Variants in C11orf24 observed in about 807,000 individuals in gnomAD.
C11orf24 encodes chromosome 11 open reading frame 24, also known as uncharacterized protein C11orf24.
A neutral mutation model predicts 7.3 loss-of-function variants in C11orf24; 5 were observed. The ratio of observed to expected loss-of-function variants is 0.69; its 90% CI spans 0.36 to 1.45. The LOEUF is 1.45. Ranked by LOEUF, C11orf24 falls within the 40% of genes most tolerant of loss-of-function variation. The probability of loss-of-function intolerance (pLI) is 0.03; values close to 1 mark genes in which losing one functional copy is unlikely to be tolerated. For synonymous variants in C11orf24, 233 were observed against 235.7 expected, an observed-to-expected ratio of 0.99 and a Z score of 0.11; for missense variants, 566 against 590.5, an observed-to-expected ratio of 0.96 and a Z score of 0.43.
chr11:68,263,518 C>G, intron 3 of C11orf24, 174 bp downstream of exon 3: 1 of 602,520 alleles, frequency 1.7e-6, no homozygotes, highest in South Asian at 2.0e-5. Flanking sequence ...GGCTCTTTGC[C>G]CACCATGGCC....
intron 3 of C11orf24, chr11:68,263,163 C>G (rs892814193): frequency 5.2e-5 from 29 of 558,086 alleles, no homozygotes; most frequent in African/African-American, 5.1e-4. Context: ...ACCCCCTGCC[C>G]ATTGAAGGCT....
Position 68,261,894 on chromosome 11 carries a change from G to GC in C11orf24, c.1100dup (p.Thr368HisfsTer2). 1 of 1,614,002 alleles carries GC rather than the reference G, an allele frequency of 6.2e-7. No homozygotes were observed. The highest frequency in any genetic ancestry group is 8.5e-7 in the Non-Finnish European group (1 of 1,180,040). ...ACGAGTCCGTGGCTGGCATCTTAGT[G>GC]CCCCCTGAGCTCCTGGGTGTTGGCC... On this transcript the variant is annotated frameshift_variant, in exon 4 of 4. Transcript: ENST00000304271. LOFTEE classifies it low-confidence loss of function (END_TRUNC).
Position 68,261,812 on chromosome 11 carries a change from C to A in C11orf24, c.1183G>T (p.Ala395Ser), listed in dbSNP as rs759346888. 4 of 1,614,220 alleles carry A rather than the reference C, an allele frequency of 2.5e-6. No individual in the cohort carries two copies. Among genetic ancestry groups the A allele is most frequent in the Non-Finnish European group, 3.4e-6 (4 of 1,180,054 alleles). ...MVVTTEPLTQ[A>S]VVDKTLLLVV... ...AGAAGGAGAGTTTTGTCTACCACGG[C>A]CTGGGTGAGGGGCTCAGTGGTGACC... Residue 395 changes from alanine (A) to serine (S), a missense_variant, in exon 4 of 4, where the codon GCC (alanine) becomes TCC (serine). Physicochemically the swap from Ala to Ser is moderately conservative, Grantham distance 99. Coordinates refer to ENST00000304271, the MANE Select transcript of C11orf24 (RefSeq NM_022338.4).
intron 2 of C11orf24, among the ~76,000 whole-genome samples, chr11:68,265,424 A>G (rs2098564610): frequency 6.6e-6 from 1 of 152,236 alleles, no homozygotes; most frequent in African/African-American, 2.4e-5. Flanking sequence ...AGTGGTCCCC[A>G]CAGCCGGCCC....
chr11:68,263,148 T>C, intron 3 of C11orf24: 1 of 571,584 alleles, frequency 1.7e-6, no homozygotes, highest in Non-Finnish European at 3.1e-6. Context: ...CTTTGCCCTC[T>C]ATGAACCCCC....
At chr11:68,269,761 C>G (rs1271392342) in intron 1 of C11orf24, among the ~76,000 whole-genome samples, 1 of 152,216 alleles carries the variant, frequency 6.6e-6, no homozygotes, top group African/African-American at 2.4e-5. Context: ...ATACCATCAC[C>G]ACTTACTCCC....
At chr11:68,267,926 T>C (rs2098566048) in intron 2 of C11orf24, 128 bp downstream of exon 2, 1 of 152,290 alleles carries the variant, frequency 6.6e-6, no homozygotes, top group Non-Finnish European at 1.5e-5. Flanking sequence ...TGGGCCTTCC[T>C]TGGTTACTAT....
chr11:68,265,057 A>T (rs2098564358), intron 2 of C11orf24, among the ~76,000 whole-genome samples: 1 of 144,546 alleles, frequency 6.9e-6, no homozygotes, highest in Non-Finnish European at 1.5e-5. Context: ...ATGCCAAGGA[A>T]GGCTTCCTGG....
At chr11:68,269,555 G>C (rs1319681167) in intron 1 of C11orf24, among the ~76,000 whole-genome samples, 2 of 152,202 alleles carry the variant, frequency 1.3e-5, no homozygotes, top group Middle Eastern at 3.2e-3. Flanking sequence ...CATGCACTTA[G>C]TCACACACGC....
At chr11:68,263,066 C>A in intron 3 of C11orf24, 148 bp from the exon 4 acceptor site, 1 of 639,628 alleles carries the variant, frequency 1.6e-6, no homozygotes, top group East Asian at 2.7e-5. Context: ...AACATGCTTC[C>A]TCCCCATCTC....
Position 68,261,805 on chromosome 11 carries a change from A to G in C11orf24, c.1190T>C (p.Val397Ala). Residue 397 changes from valine (V) to alanine (A), a missense_variant, in exon 4 of 4, where the codon GTA becomes GCA. Val to Ala is a moderately conservative substitution (Grantham distance 64). Coordinates refer to ENST00000304271, the MANE Select transcript of C11orf24 (RefSeq NM_022338.4). Reference protein sequence around the residue: ...VTTEPLTQAVVDKTLLLVVLL... With the variant: ...VTTEPLTQAVADKTLLLVVLL... The stretch of plus-strand genomic sequence containing the variant: ...CACCACCAGAAGGAGAGTTTTGTCT[A>G]CCACGGCCTGGGTGAGGGGCTCAGT... 1.2e-6 allele frequency: 2 copies of G among 1,614,212 alleles called. No individual in the cohort carries two copies. Among genetic ancestry groups the G allele is most frequent in the South Asian group, 2.2e-5 (2 of 91,088 alleles).
intron 3 of C11orf24, 100 bp from the exon 4 acceptor site, chr11:68,263,018 C>T: frequency 2.0e-6 from 2 of 1,021,902 alleles, no homozygotes; most frequent in Non-Finnish European, 2.9e-6. Context: ...GTGGGGCCCC[C>T]TCCTCAGCCC....
intron 2 of C11orf24, among the ~76,000 whole-genome samples, chr11:68,264,360 G>A (rs1274225386): frequency 6.8e-6 from 1 of 148,066 alleles, no homozygotes; most frequent in African/African-American, 2.5e-5. Context: ...CCATCCACCT[G>A]CCCGCCCACC....
intron 2 of C11orf24, among the ~76,000 whole-genome samples, chr11:68,266,828 G>A (rs2098565418): frequency 6.6e-6 from 1 of 152,144 alleles, no homozygotes; most frequent in Admixed American, 6.5e-5. Context: ...ATGTTCCCCA[G>A]GCCCGAGCCC....
In C11orf24 at chr11:68,261,649, A is replaced by T; in HGVS notation, c.1346T>A (p.Met449Lys). Residue 449 changes from methionine (M) to lysine (K), a missense_variant, in exon 4 of 4, where the codon ATG becomes AAG. Physicochemically the swap from Met to Lys is moderately conservative, Grantham distance 95. Coordinates refer to ENST00000304271, the MANE Select transcript of C11orf24 (RefSeq NM_022338.4). Reference protein sequence around the residue: ...LINGMYADSEM With the variant: ...LINGMYADSEK ...CCCGCCAGGCCCCCGCCCCCCTCAC[A>T]TTTCTGAGTCCGCATACATCCCGTT... is the stretch of plus-strand genomic sequence containing the variant. 1 of 1,598,330 alleles carries T rather than the reference A, an allele frequency of 6.3e-7. No homozygotes were observed. The highest frequency in any genetic ancestry group is 8.6e-7 in the Non-Finnish European group (1 of 1,167,048).
rs1292989578 is a variant in C11orf24, at chr11:68,268,115, G to A, written c.-161C>T. The A allele has an allele frequency of 6.6e-6, 1 of 152,418 alleles. No individual in the cohort carries two copies. Among genetic ancestry groups the A allele is most frequent in the Admixed American group, 6.5e-5 (1 of 15,290 alleles). 9.4% of individuals were successfully genotyped at this position (152,418 alleles called of 1,614,324 possible). ...CCATCTTCCTCCTTGGAGAGCTGTG[G>A]GCTTGACACTGTGTCGCTGGGCGAA... On this transcript the variant is annotated 5_prime_UTR_variant, in exon 2 of 4. Transcript: ENST00000304271.
chr11:68,261,772 A>G lies in C11orf24; in HGVS notation c.1223T>C (p.Leu408Pro). ...DKTLLLVVLL[L>P]GVTLFITVLV... ...GACTGTGATGAAAAGGGTCACCCCG[A>G]GTAACAGCACCACCAGAAGGAGAGT... The change falls in exon 4 of 4, where the codon CTC becomes CCC. Residue 408 changes from leucine (L) to proline (P), a missense_variant. Physicochemically the swap from Leu to Pro is moderately conservative, Grantham distance 98. Coordinates refer to ENST00000304271, the MANE Select transcript of C11orf24 (RefSeq NM_022338.4). 6.2e-7 allele frequency: 1 copy of G among 1,614,244 alleles called. No homozygotes were observed. The highest frequency in any genetic ancestry group is 8.5e-7 in the Non-Finnish European group (1 of 1,180,054).
intron 2 of C11orf24, among the ~76,000 whole-genome samples, chr11:68,266,166 T>G (rs1366592968): frequency 6.6e-6 from 1 of 152,188 alleles, no homozygotes; most frequent in Admixed American, 6.5e-5. Flanking sequence ...CCAAGTGACA[T>G]GTGCAGCCAC....
In C11orf24 at chr11:68,262,707, TC is replaced by T; in HGVS notation, c.287del (p.Gly96GlufsTer7). The stretch of plus-strand genomic sequence containing the variant: ...TGGAGGTCACACCATCAGCTGCACC[TC>T]CTGAAGTTGCTGGTTCACTCACATC... ...RTDVSEPATS[G>X]GAADGVTSIA... On this transcript the variant is annotated frameshift_variant, in exon 4 of 4. Coordinates refer to ENST00000304271, the MANE Select transcript of C11orf24 (RefSeq NM_022338.4). LOFTEE classifies it low-confidence loss of function (END_TRUNC). 1 of 1,614,176 alleles carries T rather than the reference TC, an allele frequency of 6.2e-7. No homozygotes were observed. The highest frequency in any genetic ancestry group is 8.5e-7 in the Non-Finnish European group (1 of 1,180,012).
Sources: gnomAD v4.1 joint callset for allele counts (sites outside exome capture counted in the v4.1 genomes callset) on GRCh38, gnomAD v4.1.1 for gene constraint, MANE v1.5 for transcripts, NCBI Gene and HGNC (gene_info 2026-07-23, HGNC 2026-07-21) for gene names.